RARS2: variants seen among roughly 807,000 people sequenced by gnomAD.
RARS2 encodes the protein arginyl-tRNA synthetase 2, mitochondrial, also known as probable arginine--tRNA ligase, mitochondrial.
A neutral mutation model predicts 88.5 loss-of-function variants in RARS2; 67 were observed. The observed-to-expected ratio is 0.76, with a 90% CI of 0.62 to 0.93. The LOEUF (loss-of-function observed/expected upper bound fraction) is 0.93. Among genes scored for constraint, RARS2 ranks in the 40% least tolerant of loss-of-function variants. RARS2 has a pLI of 0.00. For missense variants in RARS2, 664 were observed against 684.2 expected (o/e 0.97, Z 0.33); for synonymous variants, 239 against 230.3 (o/e 1.04, Z -0.34).
chr6:87,522,554 G>A (rs17504475), intron 11 of RARS2, among the ~76,000 whole-genome samples: 2 of 151,916 alleles, frequency 1.3e-5, no homozygotes, highest in South Asian at 2.1e-4. Context: ...AAAATTTCTC[G>A]ATCTTTCAAA....
intron 5 of RARS2, among the ~76,000 whole-genome samples, chr6:87,551,724 C>G (rs2128135046): frequency 6.7e-6 from 1 of 149,252 alleles, no homozygotes; most frequent in South Asian, 2.1e-4. Context: ...CAGTTACTAA[C>G]AGTCAGAACT....
chr6:87,575,586 A>G (rs1184786558), intron 1 of RARS2, among the ~76,000 whole-genome samples: 1 of 152,138 alleles, frequency 6.6e-6, no homozygotes, highest in Non-Finnish European at 1.5e-5. Context: ...GAATGGAAGC[A>G]CACACAAAAC....
chr6:87,569,112 A>G (rs1270009360), intron 2 of RARS2, among the ~76,000 whole-genome samples: 1 of 152,206 alleles, frequency 6.6e-6, no homozygotes, highest in African/African-American at 2.4e-5. Flanking sequence ...AACCTAGTAG[A>G]TAAATATGGT....
In RARS2 at chr6:87,538,676, C is replaced by A. The variant is rs1026354450; in HGVS notation, c.612+3242G>T. Among the ~76,000 whole-genome samples, 7 of 152,076 alleles carry A rather than the reference C, an allele frequency of 4.6e-5. No individual in the cohort carries two copies. The East Asian group carries it at 1.3e-3, about 29-fold the overall frequency. ...CTTTGGGAGGCTGAGGTGGGAGGAT[C>A]ACTTGAAGCTAGGAGTTTGAGACCT... On this transcript the variant is annotated intron_variant, in intron 8 of 19. Coordinates refer to ENST00000369536, the MANE Select transcript of RARS2 (RefSeq NM_020320.5).
chr6:87,551,936 GAGGAAACAGTAATT>G (rs1784461747), intron 5 of RARS2, among the ~76,000 whole-genome samples: 1 of 152,192 alleles, frequency 6.6e-6, no homozygotes, highest in Non-Finnish European at 1.5e-5. Flanking sequence ...AGAGATTAGA[GAGGAAACAGTAATT>G]AGCTTCAAGT....
intron 11 of RARS2, among the ~76,000 whole-genome samples, 188 bp from the exon 12 acceptor site, chr6:87,521,712 G>A (rs1773913135): frequency 6.6e-6 from 1 of 151,870 alleles, no homozygotes; most frequent in East Asian, 1.9e-4. Flanking sequence ...ATAGGTTTGG[G>A]AAAAACAACA....
chr6:87,570,693 T>C (rs1769394042), intron 1 of RARS2, among the ~76,000 whole-genome samples: 1 of 152,158 alleles, frequency 6.6e-6, no homozygotes, highest in South Asian at 2.1e-4. Flanking sequence ...ATGTTGACAT[T>C]ATAGGCGTAA....
intron 2 of RARS2, among the ~76,000 whole-genome samples, chr6:87,566,569 C>A (rs13200106): frequency 0.032 from 4,873 of 152,036 alleles, 105 homozygotes; most frequent in Middle Eastern, 0.055. Context: ...TGAGGAGAGC[C>A]CAACACAGTG....
intron 13 of RARS2, 99 bp from the exon 14 acceptor site, chr6:87,519,806 A>G: frequency 7.1e-7 from 1 of 1,403,152 alleles, no homozygotes; most frequent in Non-Finnish European, 1.0e-6. Flanking sequence ...TAACCATCAG[A>G]GCAGAGTTTT....
intron 7 of RARS2, among the ~76,000 whole-genome samples, chr6:87,545,258 G>C (rs1002668676): frequency 6.6e-6 from 1 of 151,950 alleles, no homozygotes; most frequent in South Asian, 2.1e-4. Context: ...TAATTTTTTT[G>C]TATTTTGTAA....
chr6:87,531,682 A>G (rs903681019), intron 8 of RARS2, among the ~76,000 whole-genome samples: 4 of 152,090 alleles, frequency 2.6e-5, no homozygotes, highest in African/African-American at 9.7e-5. Flanking sequence ...ACTAGGGTGG[A>G]GTTGATGGTT....
rs930525293 is a variant in RARS2, at chr6:87,547,299, G to A, written c.451+1292C>T. On this transcript the variant is annotated intron_variant, in intron 6 of 19. Coordinates refer to ENST00000369536, the MANE Select transcript of RARS2 (RefSeq NM_020320.5). The stretch of plus-strand genomic sequence containing the variant: ...TTCTTATACTTTTTCATCAAGTCCT[G>A]TCATTTCTTCTCTTAAAATGCTGCT... 3.9e-5 allele frequency among the ~76,000 whole-genome samples: 6 copies of A among 152,114 alleles called. No individual in the cohort carries two copies. The South Asian group carries it at 6.2e-4, about 16-fold the overall frequency.
intron 1 of RARS2, among the ~76,000 whole-genome samples, chr6:87,586,211 AG>A (rs1385450831): frequency 6.6e-6 from 1 of 152,182 alleles, no homozygotes; most frequent in Non-Finnish European, 1.5e-5. Flanking sequence ...TGTGGAATAG[AG>A]AAAGGAGAGG....
intron 7 of RARS2, 108 bp downstream of exon 7, chr6:87,545,508 G>A: frequency 1.4e-6 from 2 of 1,415,804 alleles, no homozygotes; most frequent in Non-Finnish European, 1.9e-6. Flanking sequence ...AAATAGGTAG[G>A]ACATACTACT....
intron 4 of RARS2, among the ~76,000 whole-genome samples, chr6:87,560,006 C>T (rs1040700123): frequency 2.0e-5 from 3 of 152,158 alleles, no homozygotes; most frequent in Non-Finnish European, 4.4e-5. Context: ...GGCCTAGGTC[C>T]GTGTAGTCGG....
chr6:87,583,831 C>T (rs1774329365), intron 1 of RARS2, among the ~76,000 whole-genome samples: 1 of 152,118 alleles, frequency 6.6e-6, no homozygotes, highest in African/African-American at 2.4e-5. Context: ...CTTTCATGTT[C>T]CTGAATCTCA....
intron 8 of RARS2, among the ~76,000 whole-genome samples, chr6:87,539,310 A>C (rs1226528896): frequency 6.6e-6 from 1 of 152,228 alleles, no homozygotes; most frequent in Non-Finnish European, 1.5e-5. Context: ...CTCCCCGTCT[A>C]ATTAAGGACA....
chr6:87,524,818 C>T (rs1332592598), intron 10 of RARS2, among the ~76,000 whole-genome samples, 166 bp from the exon 11 acceptor site: 1 of 152,082 alleles, frequency 6.6e-6, no homozygotes, highest in Non-Finnish European at 1.5e-5. Flanking sequence ...AGAATATGAC[C>T]AAGAATCTCT....
At chr6:87,582,417 T>A (rs1168956812) in intron 1 of RARS2, among the ~76,000 whole-genome samples, 1 of 152,226 alleles carries the variant, frequency 6.6e-6, no homozygotes, top group Non-Finnish European at 1.5e-5. Flanking sequence ...CTGAGAAGTG[T>A]CTGTTCATGT....
Sources: allele counts gnomAD v4.1 joint callset (sites outside exome capture counted in the v4.1 genomes callset), GRCh38; gene constraint gnomAD v4.1.1; transcripts MANE v1.5; gene names NCBI Gene and HGNC (gene_info 2026-07-23, HGNC 2026-07-21).